Variants in NKAIN2 observed in about 807,000 individuals in gnomAD.
NKAIN2 encodes sodium/potassium transporting ATPase interacting 2.
A neutral mutation model predicts 32.6 loss-of-function variants in NKAIN2; 14 were observed. The observed-to-expected ratio is 0.43, with a 90% CI of 0.28 to 0.67. The LOEUF is 0.67. NKAIN2 is among the 30% of genes least tolerant of loss of function. The pLI, the probability that NKAIN2 is intolerant of heterozygous loss-of-function variation, is 0.17. For missense variants in NKAIN2, 198 were observed against 258.3 expected, an observed-to-expected ratio of 0.77 and a Z score of 1.60; for synonymous variants, 80 against 87.2, an observed-to-expected ratio of 0.92 and a Z score of 0.46.
At chr6:124,682,627 C>G (rs1279478580) in intron 4 of NKAIN2, among the ~76,000 whole-genome samples, 2 of 151,946 alleles carry the variant, frequency 1.3e-5, no homozygotes, top group Non-Finnish European at 2.9e-5. Flanking sequence ...AAAATGCTAC[C>G]AATATTTGTG....
At chr6:124,288,024 A>AT in intron 2 of NKAIN2, among the ~76,000 whole-genome samples, 1 of 152,144 alleles carries the variant, frequency 6.6e-6, no homozygotes, top group Middle Eastern at 3.4e-3. Context: ...AGAAAAAAAA[A>AT]GTTTCAAAAT....
At chr6:124,796,771 C>G (rs1780017129) in intron 5 of NKAIN2, among the ~76,000 whole-genome samples, 5 of 152,100 alleles carry the variant, frequency 3.3e-5, no homozygotes, top group Middle Eastern at 3.2e-3. Flanking sequence ...TATATTTGTT[C>G]ATGAAAAGGC....
intron 1 of NKAIN2, among the ~76,000 whole-genome samples, chr6:124,179,606 C>T (rs1582800618): frequency 6.6e-6 from 1 of 152,152 alleles, no homozygotes; most frequent in East Asian, 1.9e-4. Flanking sequence ...GAGCAGACAG[C>T]AGAGGGACTG....
intron 5 of NKAIN2, among the ~76,000 whole-genome samples, chr6:124,812,500 A>C (rs1163231677): frequency 2.0e-5 from 3 of 152,174 alleles, no homozygotes; most frequent in African/African-American, 7.2e-5. Context: ...GGAGGAAATC[A>C]ACAAATAAAC....
intron 1 of NKAIN2, among the ~76,000 whole-genome samples, chr6:124,133,006 C>T (rs893008815): frequency 6.6e-6 from 1 of 152,206 alleles, no homozygotes; most frequent in Non-Finnish European, 1.5e-5. Flanking sequence ...TTTCTCGCAA[C>T]AGGGACACAA....
At chr6:124,764,107 G>A (rs1778398831) in intron 4 of NKAIN2, among the ~76,000 whole-genome samples, 1 of 152,132 alleles carries the variant, frequency 6.6e-6, no homozygotes, top group Admixed American at 6.6e-5. Flanking sequence ...AGGAGTGGAA[G>A]AAACTAGTCT....
chr6:124,002,471 T>A (rs1267074690), intron 1 of NKAIN2, among the ~76,000 whole-genome samples: 2 of 151,702 alleles, frequency 1.3e-5, no homozygotes, highest in Non-Finnish European at 2.9e-5. Flanking sequence ...CCCTTACCAA[T>A]CTCCTACTTC....
intron 3 of NKAIN2, among the ~76,000 whole-genome samples, chr6:124,634,998 AAAAAG>A (rs1014719304): frequency 3.3e-5 from 5 of 151,822 alleles, no homozygotes; most frequent in African/African-American, 9.7e-5. Context: ...GAGAGAAAGA[AAAAAG>A]AAAAGAAAAA....
chr6:123,912,483 A>G (rs2051438292), intron 1 of NKAIN2, among the ~76,000 whole-genome samples: 1 of 152,046 alleles, frequency 6.6e-6, no homozygotes, highest in South Asian at 2.1e-4. Flanking sequence ...AATTAGGTGT[A>G]TTTCTTGTTT....
chr6:124,526,783 C>T (rs889537307), intron 3 of NKAIN2, among the ~76,000 whole-genome samples: 7 of 152,000 alleles, frequency 4.6e-5, no homozygotes, highest in East Asian at 1.9e-4. Context: ...AAAGAAATGT[C>T]GAAGCTAGTG....
At chr6:123,879,770 A>T (rs1773364650) in intron 1 of NKAIN2, among the ~76,000 whole-genome samples, 1 of 152,180 alleles carries the variant, frequency 6.6e-6, no homozygotes, top group Admixed American at 6.5e-5. Context: ...CTTTCACAGG[A>T]TACTTCTTTC....
At chr6:124,060,922 G>GA (rs1782894209) in intron 1 of NKAIN2, among the ~76,000 whole-genome samples, 1 of 151,844 alleles carries the variant, frequency 6.6e-6, no homozygotes, top group African/African-American at 2.4e-5. Context: ...TACAATACGA[G>GA]AAAAAATGAT....
chr6:124,201,622 A>G (rs1326576758), intron 1 of NKAIN2, among the ~76,000 whole-genome samples: 2 of 152,062 alleles, frequency 1.3e-5, no homozygotes, highest in Non-Finnish European at 2.9e-5. Context: ...TGTTATGTCA[A>G]CGTAATTACT....
At chr6:123,841,532 T>G (rs1236775360) in intron 1 of NKAIN2, among the ~76,000 whole-genome samples, 2 of 152,192 alleles carry the variant, frequency 1.3e-5, no homozygotes, top group African/African-American at 4.8e-5. Context: ...GATGGTAATT[T>G]ACACCTCATA....
At chr6:124,075,305 C>A (rs1783645879) in intron 1 of NKAIN2, among the ~76,000 whole-genome samples, 1 of 152,234 alleles carries the variant, frequency 6.6e-6, no homozygotes, top group Non-Finnish European at 1.5e-5. Context: ...ACTATATATG[C>A]TATAAAAAGA....
At chr6:124,069,696 G>A (rs771694168) in intron 1 of NKAIN2, among the ~76,000 whole-genome samples, 6 of 151,968 alleles carry the variant, frequency 3.9e-5, no homozygotes, top group Non-Finnish European at 7.4e-5. Context: ...ATGAATGAAT[G>A]AGGGCCATGC....
intron 1 of NKAIN2, among the ~76,000 whole-genome samples, chr6:123,922,266 A>T (rs754852929): frequency 6.6e-6 from 1 of 152,206 alleles, no homozygotes; most frequent in African/African-American, 2.4e-5. Flanking sequence ...AATGCTATGT[A>T]GCCTCTAAGA....
intron 4 of NKAIN2, among the ~76,000 whole-genome samples, chr6:124,787,541 A>G (rs541144153): frequency 2.6e-5 from 4 of 152,176 alleles, no homozygotes; most frequent in Admixed American, 2.6e-4. Flanking sequence ...GACTGGGAAA[A>G]TGAGTTAAGG....
chr6:124,082,452 C>T (rs1297877817), intron 1 of NKAIN2, among the ~76,000 whole-genome samples: 1 of 151,932 alleles, frequency 6.6e-6, no homozygotes, highest in Non-Finnish European at 1.5e-5. Context: ...CTAATATGTA[C>T]TTCAATACTA....
Sources: gnomAD v4.1 joint callset for allele counts (sites outside exome capture counted in the v4.1 genomes callset) on GRCh38, gnomAD v4.1.1 for gene constraint, MANE v1.5 for transcripts, NCBI Gene and HGNC (gene_info 2026-07-23, HGNC 2026-07-21) for gene names.